The following TEKT3 variants were observed in gnomAD, a reference collection of about 807,000 sequenced individuals.
TEKT3 encodes the protein tektin 3.
TEKT3 carries 49 observed loss-of-function variants against 49.8 expected under a neutral mutation model. That is an observed-to-expected ratio of 0.98 (90% CI 0.78 to 1.25). The LOEUF (loss-of-function observed/expected upper bound fraction) is 1.25. Among genes scored for constraint, TEKT3 ranks in the 50% most tolerant of loss-of-function variants. TEKT3 has a pLI of 0.00. For missense variants in TEKT3, 595 were observed against 629.5 expected (o/e 0.95, Z 0.59); for synonymous variants, 225 against 237.2 (o/e 0.95, Z 0.47).
chr17:15,318,938 C>T (rs1911134601), intron 5 of TEKT3, 139 bp downstream of exon 5: 3 of 602,436 alleles, frequency 5.0e-6, no homozygotes, highest in Non-Finnish European at 8.4e-6. Flanking sequence ...ATCAAGTAAT[C>T]ATCTTAACAT....
intron 8 of TEKT3, chr17:15,307,140 G>A (rs182714000): frequency 6.6e-6 from 1 of 152,350 alleles, no homozygotes; most frequent in East Asian, 1.9e-4. Flanking sequence ...ATACACGTAA[G>A]GTGTTTCATC....
intron 4 of TEKT3, among the ~76,000 whole-genome samples, chr17:15,323,252 G>C (rs145806642): frequency 6.6e-6 from 1 of 152,210 alleles, no homozygotes. Context: ...TCTGAGGCTG[G>C]AGTATTTTTG....
chr17:15,318,428 A>C (rs898992582), intron 5 of TEKT3, among the ~76,000 whole-genome samples: 13 of 152,226 alleles, frequency 8.5e-5, no homozygotes, highest in African/African-American at 3.1e-4. Context: ...TTTGAGTTAA[A>C]AGAAATCTTA....
intron 5 of TEKT3, among the ~76,000 whole-genome samples, chr17:15,317,731 C>A (rs1911069083): frequency 6.6e-6 from 1 of 152,114 alleles, no homozygotes; most frequent in South Asian, 2.1e-4. Context: ...ACAGTCTCGG[C>A]CAATACTTTT....
intron 2 of TEKT3, among the ~76,000 whole-genome samples, chr17:15,334,124 T>C (rs773227297): frequency 1.3e-5 from 2 of 152,082 alleles, no homozygotes; most frequent in Non-Finnish European, 2.9e-5. Flanking sequence ...TGCAGTGGCA[T>C]GATCACTGCT....
At chr17:15,326,072 A>G (rs185917002) in intron 4 of TEKT3, among the ~76,000 whole-genome samples, 81 of 152,296 alleles carry the variant, frequency 5.3e-4, no homozygotes, top group African/African-American at 1.9e-3. Flanking sequence ...ACCAGACAGT[A>G]GAGGAAAGGA....
intron 7 of TEKT3, among the ~76,000 whole-genome samples, chr17:15,309,050 C>T (rs970815736): frequency 1.3e-5 from 2 of 152,142 alleles, no homozygotes; most frequent in Non-Finnish European, 2.9e-5. Context: ...TCTCCCCAAC[C>T]CTAGGCTTGG....
At chr17:15,336,109 C>T (rs1488237766) in intron 2 of TEKT3, among the ~76,000 whole-genome samples, 1 of 151,502 alleles carries the variant, frequency 6.6e-6, no homozygotes, top group Non-Finnish European at 1.5e-5. Context: ...AGAATACACA[C>T]ACACACACAC....
In TEKT3 at chr17:15,319,150, A is replaced by G; in HGVS notation, c.664-3T>C. On this transcript the variant is annotated splice_polypyrimidine_tract_variant and splice_region_variant and intron_variant, in intron 4 of 8. Coordinates refer to ENST00000395930, the MANE Select transcript of TEKT3 (RefSeq NM_031898.3). ...CAACACAGAATAGTATCAACTTCCT[A>G]CTCAATTGGAAAAAAAACATATTAA... 1.3e-6 allele frequency: 2 copies of G among 1,599,636 alleles called. No individual in the cohort carries two copies.
At chr17:15,314,062 C>T in intron 6 of TEKT3, 25 bp downstream of exon 6, 1 of 1,614,058 alleles carries the variant, frequency 6.2e-7, no homozygotes, top group Non-Finnish European at 8.5e-7. Flanking sequence ...ATCGAAATCA[C>T]AGCCGTGGCG....
intron 2 of TEKT3, among the ~76,000 whole-genome samples, chr17:15,337,015 A>T (rs1912005452): frequency 6.6e-6 from 1 of 152,168 alleles, no homozygotes; most frequent in Non-Finnish European, 1.5e-5. Flanking sequence ...CTTTGCCAAA[A>T]ATATAAAACA....
At chr17:15,318,983 G>C (rs1911136092) in intron 5 of TEKT3, 94 bp downstream of exon 5, 2 of 986,316 alleles carry the variant, frequency 2.0e-6, no homozygotes, top group Non-Finnish European at 3.1e-6. Context: ...CTGTGTGTGT[G>C]TCCTTATAAG....
chr17:15,327,915 T>A, intron 4 of TEKT3, 77 bp downstream of exon 4: 1 of 1,239,604 alleles, frequency 8.1e-7, no homozygotes, highest in African/African-American at 1.5e-5. Flanking sequence ...TTATGTAACA[T>A]CCTTTTTTGC....
In TEKT3 at chr17:15,312,270, G is replaced by A; in HGVS notation, c.1090C>T (p.His364Tyr). 2 of 1,614,136 alleles carry A rather than the reference G, an allele frequency of 1.2e-6. No homozygotes were observed. Among genetic ancestry groups the A allele is most frequent in the Non-Finnish European group, 1.7e-6 (2 of 1,180,032 alleles). ...GGCGGTTGATTTACCTTTGCTAAGT[G>A]CGTCTGAATCTTATTCTTAGCATCT... ...TADAKNKIQTHLAKTLQEIFQ... is the reference protein window; with the variant it reads ...TADAKNKIQTYLAKTLQEIFQ... Residue 364 changes from histidine to tyrosine, a missense_variant, in exon 7 of 9, where the codon CAC becomes TAC. Physicochemically the swap from His to Tyr is moderately conservative, Grantham distance 83 (BLOSUM62 2). Transcript: ENST00000395930.
chr17:15,307,197 G>A (rs1021968535), intron 8 of TEKT3, among the ~76,000 whole-genome samples: 2 of 152,198 alleles, frequency 1.3e-5, no homozygotes, highest in South Asian at 2.1e-4. Flanking sequence ...TGTGTGAGAG[G>A]GAGATGAGCA....
intron 5 of TEKT3, among the ~76,000 whole-genome samples, chr17:15,316,452 C>T (rs1257080039): frequency 1.3e-5 from 2 of 151,914 alleles, no homozygotes; most frequent in African/African-American, 4.8e-5. Flanking sequence ...GAATGATGAA[C>T]AGTGGGGCTC....
intron 2 of TEKT3, among the ~76,000 whole-genome samples, chr17:15,337,883 T>C (rs1010123615): frequency 2.0e-5 from 3 of 152,016 alleles, no homozygotes; most frequent in African/African-American, 7.2e-5. Flanking sequence ...TGAGAAAAGA[T>C]AGACTGTTTA....
rs748605684 is a variant in TEKT3 at position 15,308,825 on chromosome 17, C to G, written c.1102-7G>C. The G allele has an allele frequency of 6.2e-7, 1 of 1,611,428 alleles. No homozygotes were observed. Among genetic ancestry groups the G allele is most frequent in the Non-Finnish European group, 8.5e-7 (1 of 1,177,778 alleles). On this transcript the variant is annotated splice_region_variant and splice_polypyrimidine_tract_variant and intron_variant, in intron 7 of 8. Transcript: ENST00000395930. Reference sequence around the variant, plus strand: ...GGAAAATCTCCTGCAGGGTCTGTGACAAAGAGAAGCAACTGCCTGAGGCTT... The same window carrying G: ...GGAAAATCTCCTGCAGGGTCTGTGAGAAAGAGAAGCAACTGCCTGAGGCTT...
intron 4 of TEKT3, among the ~76,000 whole-genome samples, chr17:15,325,374 A>G: frequency 6.6e-6 from 1 of 152,118 alleles, no homozygotes; most frequent in Non-Finnish European, 1.5e-5. Context: ...ATGTTTATGG[A>G]TGTTCCCATC....
Sources: allele counts gnomAD v4.1 joint callset (sites outside exome capture counted in the v4.1 genomes callset), GRCh38; gene constraint gnomAD v4.1.1; transcripts MANE v1.5; gene names NCBI Gene and HGNC (gene_info 2026-07-23, HGNC 2026-07-21).